SHANK1: variants seen among roughly 807,000 people sequenced by gnomAD.
SHANK1 encodes the protein SH3 and multiple ankyrin repeat domains 1, also known as SH3 and multiple ankyrin repeat domains protein 1.
A neutral mutation model predicts 165.6 loss-of-function variants in SHANK1; 35 were observed. That is an observed-to-expected ratio of 0.21 (90% CI 0.16 to 0.28). The LOEUF (loss-of-function observed/expected upper bound fraction) is 0.28. SHANK1 is among the 10% of genes least tolerant of loss of function. SHANK1 has a pLI of 1.00. For missense variants in SHANK1, 2,681 were observed against 3,036.4 expected (o/e 0.88, Z 2.75); for synonymous variants, 1,428 against 1,384.8 (o/e 1.03, Z -0.69).
intron 8 of SHANK1, among the ~76,000 whole-genome samples, chr19:50,707,888 TTTCTTTTCTTTTCTTTTCTTTTCTTTTC>T (rs1326880484): frequency 0.06 from 1,759 of 29,248 alleles, 54 homozygotes; most frequent in African/African-American, 0.08. Context: ...TTTCTTTTCT[TTTCTTTTCTTTTCTTTTCTTTTCTTTTC>T]TTTTCTTTTC....
At chr19:50,715,209 G>C (rs1179421547) in intron 4 of SHANK1, among the ~76,000 whole-genome samples, 1 of 152,094 alleles carries the variant, frequency 6.6e-6, no homozygotes, top group East Asian at 1.9e-4. Flanking sequence ...GGAAAGGGGG[G>C]TGTAATGGTT....
intron 15 of SHANK1, among the ~76,000 whole-genome samples, chr19:50,693,901 G>A (rs1002176973): frequency 3.3e-5 from 5 of 152,134 alleles, no homozygotes; most frequent in Non-Finnish European, 7.3e-5. Context: ...CATGGGGACA[G>A]AGACACAGGA....
At position 50,687,943 on chromosome 19, in the gene SHANK1, T is replaced by C; in HGVS notation, c.2288A>G (p.Asp763Gly). 1 of 1,614,032 alleles carries C rather than the reference T, an allele frequency of 6.2e-7. No homozygotes were observed. The change falls in exon 18 of 24, where the codon GAT (aspartate) becomes GGT (glycine). Residue 763 changes from aspartate (D) to glycine (G), a missense_variant. By Grantham distance (94) the Asp-to-Gly change is moderately conservative (BLOSUM62 -1). Around this residue, in one of 10 missense-constraint regions of SHANK1, gnomAD observed 206 missense variants for 216.0 expected, o/e 0.95. Coordinates refer to ENST00000293441, the MANE Select transcript of SHANK1 (RefSeq NM_016148.5). ...VVMVTRHPDM[D>G]EAVHKKAPQQ... ...AGCACCTTTCTTGTGCACTGCCTCA[T>C]CCATGTCCGGGTGCCTGGTGACCAT...
chr19:50,691,745 T>C (rs972463799), intron 15 of SHANK1, among the ~76,000 whole-genome samples: 4 of 152,234 alleles, frequency 2.6e-5, no homozygotes, highest in South Asian at 2.1e-4. Flanking sequence ...GGCACAATTA[T>C]AGCTCACTGC....
chr19:50,711,478 G>A lies in SHANK1; in HGVS notation c.970C>T (p.Arg324Trp), dbSNP rs767525667. The A allele has an allele frequency of 5.1e-6, 8 of 1,572,992 alleles. No individual in the cohort carries two copies. The Admixed American group carries it at 9.2e-5, about 18-fold the overall frequency. ...GWQEIHQACQ[R>W]GHSQHLEHLL... is the part of the protein sequence containing the mutation. The stretch of plus-strand genomic sequence containing the variant: ...TGCTCCAGGTGCTGAGAGTGACCCC[G>A]CTGGCAGGCCTGGGCAGGACAGGGA... Residue 324 changes from arginine (R) to tryptophan (W), a missense_variant, in exon 8 of 24, where the codon CGG (arginine) becomes TGG (tryptophan). By Grantham distance (101) the Arg-to-Trp change is moderately radical (BLOSUM62 -3). Around this residue, in one of 10 missense-constraint regions of SHANK1, gnomAD observed 189 missense variants for 440.9 expected, o/e 0.43. Coordinates refer to ENST00000293441, the MANE Select transcript of SHANK1 (RefSeq NM_016148.5).
intron 21 of SHANK1, among the ~76,000 whole-genome samples, chr19:50,673,638 C>T (rs1468837956): frequency 6.6e-6 from 1 of 152,114 alleles, no homozygotes; most frequent in East Asian, 1.9e-4. Context: ...TAGAAACTCC[C>T]TGAAGGCGGG....
chr19:50,680,641 C>A (rs1986146602), intron 21 of SHANK1, among the ~76,000 whole-genome samples: 1 of 150,818 alleles, frequency 6.6e-6, no homozygotes, highest in South Asian at 2.1e-4. Context: ...TTTCCAAGTC[C>A]TTAGATAGTG....
Position 50,711,462 on chromosome 19 carries a change from T to C in SHANK1, c.986A>G (p.His329Arg). 6.4e-7 allele frequency: 1 copy of C among 1,571,254 alleles called. No homozygotes were observed. Among genetic ancestry groups the C allele is most frequent in the East Asian group, 2.4e-5 (1 of 42,374 alleles). ...HQACQRGHSQ[H>R]LEHLLFYGAE... ...CCCGTAGAAAAGCAGATGCTCCAGG[T>C]GCTGAGAGTGACCCCGCTGGCAGGC... The change falls in exon 8 of 24, where the codon CAC (histidine) becomes CGC (arginine). Residue 329 changes from histidine to arginine, a missense_variant. Transcript: ENST00000293441.
chr19:50,666,354 C>T lies in SHANK1; in HGVS notation c.5606G>A (p.Ser1869Asn). The T allele has an allele frequency of 6.2e-7, 1 of 1,613,836 alleles. No individual in the cohort carries two copies. Among genetic ancestry groups the T allele is most frequent in the Non-Finnish European group, 8.5e-7 (1 of 1,179,948 alleles). Reference sequence around the variant, plus strand: ...CTTGGAGCTGAGTTCACTGATGATGCTGGCTTTTACTGTGGCCAAGGCTGA... The same window carrying T: ...CTTGGAGCTGAGTTCACTGATGATGTTGGCTTTTACTGTGGCCAAGGCTGA... ...QASALATVKASIISELSSKLQ... is the reference protein window; with the variant it reads ...QASALATVKANIISELSSKLQ... Residue 1869 changes from serine to asparagine, a missense_variant, in exon 23 of 24, where the codon AGC becomes AAC. Ser to Asn is a conservative substitution (Grantham distance 46). Coordinates refer to ENST00000293441, the MANE Select transcript of SHANK1 (RefSeq NM_016148.5).
At position 50,667,628 on chromosome 19, in the gene SHANK1, C is replaced by A; in HGVS notation, c.4332G>T (p.Leu1444=). The A allele has an allele frequency of 7.0e-7, 1 of 1,426,152 alleles. No individual in the cohort carries two copies. The highest frequency in any genetic ancestry group is 9.1e-7 in the Non-Finnish European group (1 of 1,100,456). 88.3% of individuals were successfully genotyped at this position (1,426,152 alleles called of 1,614,324 possible). A position where few individuals can be genotyped will look rare whatever the true frequency, so the allele number is the denominator to read the frequency against. Residue 1444 remains leucine, a synonymous_variant, in exon 23 of 24, where the codon CTG becomes CTT. Coordinates refer to ENST00000293441, the MANE Select transcript of SHANK1 (RefSeq NM_016148.5). This position sits in a 1 kb window ranked among gnomAD's most constrained non-coding sequence, Gnocchi z 5.7. ...GAGCGGTGGGCGGCAGGCGGTGTAG[C>A]AGGGAACGCCGGGCGGCGGGCGGGC... ...PASPPAARRS[L]LHRLPPTAPG...
chr19:50,711,407 C>G lies in SHANK1; in HGVS notation c.1041G>C (p.Gly347=). ...GGGCGCAGATGTGCAGAGCCGTGTT[C>G]CCCGAGGCGTTCTGGGCTCCAGGCT... is the stretch of plus-strand genomic sequence containing the variant. The part of the protein sequence containing the change: ...GAEPGAQNAS[G]NTALHICALY... Residue 347 remains glycine (G), a synonymous_variant, in exon 8 of 24, where the codon GGG becomes GGC. Coordinates refer to ENST00000293441, the MANE Select transcript of SHANK1 (RefSeq NM_016148.5). 1 of 1,559,262 alleles carries G rather than the reference C, an allele frequency of 6.4e-7. No homozygotes were observed. Among genetic ancestry groups the G allele is most frequent in the Non-Finnish European group, 8.7e-7 (1 of 1,151,578 alleles).
chr19:50,705,468 G>A (rs1261329956), intron 8 of SHANK1, among the ~76,000 whole-genome samples: 1 of 152,130 alleles, frequency 6.6e-6, no homozygotes, highest in Non-Finnish European at 1.5e-5. Context: ...CTTTAACATG[G>A]CCACTAGGAT....
In SHANK1 at chr19:50,702,599, C is replaced by A. The variant is rs1171280591; in HGVS notation, c.1615G>T (p.Gly539Cys). Residue 539 changes from glycine to cysteine, a missense_variant, in exon 12 of 24, where the codon GGC (glycine) becomes TGC (cysteine). Physicochemically the swap from Gly to Cys is radical, Grantham distance 159. Around this residue, in one of 10 missense-constraint regions of SHANK1, gnomAD observed 195 missense variants for 186.2 expected, o/e 1.05. Coordinates refer to ENST00000293441, the MANE Select transcript of SHANK1 (RefSeq NM_016148.5). The surrounding 1 kb of genome is among the most constrained non-coding windows in gnomAD (Gnocchi z 5.3). ...CGCCTCCCGCGGCTGCCCAGGGAGC[C>A]CCCGGGGCCCCCTGAGCCCCCCGTG... ...GGTGGSGGPG[G>C]SLGSRGRRRK... 1 of 1,599,232 alleles carries A rather than the reference C, an allele frequency of 6.3e-7. No individual in the cohort carries two copies. The highest frequency in any genetic ancestry group is 2.3e-5 in the East Asian group (1 of 44,248).
intron 7 of SHANK1, 100 bp from the exon 8 acceptor site, chr19:50,711,587 A>G (rs922828876): frequency 1.2e-5 from 10 of 831,598 alleles, no homozygotes; most frequent in Non-Finnish European, 1.9e-5. Context: ...TTCTCATCCT[A>G]TCGTTCACCG....
At position 50,667,809 on chromosome 19, in the gene SHANK1, C is replaced by A; in HGVS notation, c.4151G>T (p.Arg1384Leu). ...PQPPPRPPSP[R>L]YEAPPPTPHH... is the part of the protein sequence containing the mutation. The stretch of plus-strand genomic sequence containing the variant: ...CGGGGTGGGCGGCGGGGCCTCGTAG[C>A]GGGGCGATGGGGGCCTGGGAGGCGG... Residue 1384 changes from arginine (R) to leucine (L), a missense_variant, in exon 23 of 24, where the codon CGC becomes CTC. This residue lies in a region of SHANK1 where 1,713 missense variants were observed against 1,630.2 expected (regional missense o/e 1.05). Transcript: ENST00000293441. The surrounding 1 kb of genome is among the most constrained non-coding windows in gnomAD (Gnocchi z 5.7). 7.7e-7 allele frequency: 1 copy of A among 1,291,950 alleles called. No homozygotes were observed. Among genetic ancestry groups the A allele is most frequent in the Non-Finnish European group, 9.8e-7 (1 of 1,024,662 alleles). The allele number at this position is 1,291,950 out of a possible 1,614,324, so 80.0% of individuals were successfully genotyped here.
At position 50,697,311 on chromosome 19, in the gene SHANK1, C is replaced by T. The variant is rs1986772304; in HGVS notation, c.1938-189G>A. Among the ~76,000 whole-genome samples, 1 of 150,964 alleles carries T rather than the reference C, an allele frequency of 6.6e-6. No homozygotes were observed. The highest frequency in any genetic ancestry group is 6.6e-5 in the Admixed American group (1 of 15,176). On this transcript the variant is annotated intron_variant, in intron 14 of 23. Transcript: ENST00000293441. This position sits in a 1 kb window ranked among gnomAD's most constrained non-coding sequence, Gnocchi z 4.7. The stretch of plus-strand genomic sequence containing the variant: ...AGACAAGGGCCTCCAGCCAGCCAGA[C>T]ATAAGAGCGCCCCGGCCCCCCCAGG...
rs1364698147 is a variant in SHANK1, at chr19:50,718,432, G to A, written c.-44+974C>T. The stretch of plus-strand genomic sequence containing the variant: ...CCCGCTCGGAGGGGGTGGCCGGTGG[G>A]ATGAAAGAAAAGCTGGCTAGGGCCC... On this transcript the variant is annotated intron_variant, in intron 1 of 23. Transcript: ENST00000293441. The surrounding 1 kb of genome is among the most constrained non-coding windows in gnomAD (Gnocchi z 5.1). 1.3e-5 allele frequency among the ~76,000 whole-genome samples: 2 copies of A among 152,028 alleles called. No homozygotes were observed. The highest frequency in any genetic ancestry group is 2.9e-5 in the Non-Finnish European group (2 of 67,970).
At chr19:50,704,053 C>T in intron 10 of SHANK1, 67 bp downstream of exon 10, 1 of 1,520,104 alleles carries the variant, frequency 6.6e-7, no homozygotes, top group Non-Finnish European at 9.1e-7. Context: ...CCCCCAACTC[C>T]CCCATCCCAC....
intron 23 of SHANK1, among the ~76,000 whole-genome samples, chr19:50,665,590 A>AG (rs1985454339): frequency 7.4e-6 from 1 of 135,274 alleles, no homozygotes; most frequent in African/African-American, 2.7e-5. Flanking sequence ...AAAAAAAAAA[A>AG]AAGAAGAAGA....
Sources: allele counts gnomAD v4.1 joint callset (sites outside exome capture counted in the v4.1 genomes callset), GRCh38; gene constraint gnomAD v4.1.1; regional missense constraint gnomAD v4.1.1; non-coding constraint Gnocchi (gnomAD v3.1); transcripts MANE v1.5; gene names NCBI Gene and HGNC (gene_info 2026-07-23, HGNC 2026-07-21).